TNPO1: variants seen among roughly 807,000 people sequenced by gnomAD.
TNPO1 encodes the protein transportin 1.
TNPO1 carries 8 observed loss-of-function variants against 119.5 expected under a neutral mutation model. The observed-to-expected ratio is 0.07, with a 90% confidence interval of 0.04 to 0.12. TNPO1 has a LOEUF of 0.12. Ranked by LOEUF, TNPO1 falls within the 10% of genes least tolerant of loss-of-function variation. The pLI, the probability that TNPO1 is intolerant of heterozygous loss-of-function variation, is 1.00. For synonymous variants in TNPO1, 362 were observed against 363.0 expected (o/e 1.00, Z 0.03); for missense variants, 576 against 1,089.8 (o/e 0.53, Z 6.64).
In TNPO1 at chr5:72,848,248, G is replaced by A. The variant is rs1014034961; in HGVS notation, c.16-137G>A. 13 of 1,292,172 alleles carry A rather than the reference G, an allele frequency of 1.0e-5. No homozygotes were observed. In the African/African-American group the frequency reaches 2.0e-4, roughly 20 times the overall value. The allele number at this position is 1,292,172 out of a possible 1,614,324, so 80.0% of individuals were successfully genotyped here. On this transcript the variant is annotated intron_variant, in intron 1 of 24. Transcript: ENST00000337273. ...CGTGACTTCCTTCGGGGCACCTCAG[G>A]CAGGTCCGCGGCGTTTGGGGAGCGC... is the stretch of plus-strand genomic sequence containing the variant.
intron 3 of TNPO1, 119 bp downstream of exon 3, chr5:72,851,438 G>T: frequency 3.1e-6 from 2 of 651,316 alleles, no homozygotes; most frequent in South Asian, 1.9e-5. Context: ...TATAGATGTG[G>T]GATAAACAGT....
chr5:72,876,620 A>AAC (rs1747797933), intron 8 of TNPO1, among the ~76,000 whole-genome samples: 1 of 152,196 alleles, frequency 6.6e-6, no homozygotes, highest in Non-Finnish European at 1.5e-5. Context: ...TGAGTTCTTA[A>AAC]TTTTTATGTT....
At chr5:72,845,228 T>C (rs1745080573) in intron 1 of TNPO1, among the ~76,000 whole-genome samples, 1 of 152,130 alleles carries the variant, frequency 6.6e-6, no homozygotes, top group Admixed American at 6.5e-5. Context: ...GCCTTCAACA[T>C]GCAAAAAGAA....
intron 4 of TNPO1, among the ~76,000 whole-genome samples, chr5:72,858,590 C>T (rs546528005): frequency 6.6e-6 from 1 of 152,294 alleles, no homozygotes; most frequent in East Asian, 1.9e-4. Flanking sequence ...GTAATCCCAG[C>T]ACTTTGGGAG....
Position 72,900,743 on chromosome 5 carries a change from A to T in TNPO1, c.2415-231A>T, listed in dbSNP as rs1749746146. The T allele has an allele frequency of 1.9e-5, 6 of 318,944 alleles. No individual in the cohort carries two copies. The South Asian group carries it at 8.1e-4, about 43-fold the overall frequency. The allele number at this position is 318,944 out of a possible 1,614,324, so 19.8% of individuals were successfully genotyped here. A position where few individuals can be genotyped will look rare whatever the true frequency, so the allele number is the denominator to read the frequency against. ...GAGATTCAAATTAGTTATCTACTTT[A>T]TAAATGCAATTTATTAAGAAAATGT... On this transcript the variant is annotated intron_variant, in intron 21 of 24. Coordinates refer to ENST00000337273, the MANE Select transcript of TNPO1 (RefSeq NM_002270.4).
chr5:72,846,367 T>C (rs1219702264), intron 1 of TNPO1, among the ~76,000 whole-genome samples: 1 of 150,644 alleles, frequency 6.6e-6, no homozygotes, highest in African/African-American at 2.4e-5. Context: ...CCCGGAATTA[T>C]GGCCATGTCA....
At chr5:72,857,715 T>G (rs546754865) in intron 4 of TNPO1, among the ~76,000 whole-genome samples, 179 of 152,356 alleles carry the variant, frequency 1.2e-3, no homozygotes, top group African/African-American at 4.1e-3. Flanking sequence ...GTTATGAGAT[T>G]GTTTCTTCCT....
chr5:72,853,659 A>AT (rs33987415), intron 3 of TNPO1, among the ~76,000 whole-genome samples: 49,846 of 148,444 alleles, frequency 0.34, 8,686 homozygotes, highest in African/African-American at 0.41. Context: ...GTGTTTATGC[A>AT]TTTTTTTTTT....
At chr5:72,872,505 T>A (rs1389345416) in intron 6 of TNPO1, 134 bp from the exon 7 acceptor site, 2 of 564,340 alleles carry the variant, frequency 3.5e-6, no homozygotes, top group Non-Finnish European at 6.0e-6. Flanking sequence ...GATACAGAAG[T>A]TTGACGTATT....
chr5:72,859,798 G>C (rs967492779), intron 4 of TNPO1, among the ~76,000 whole-genome samples: 1 of 152,184 alleles, frequency 6.6e-6, no homozygotes. Context: ...ACATTTTTAA[G>C]ATTTTAATAG....
chr5:72,896,610 C>T, intron 19 of TNPO1, 54 bp downstream of exon 19: 1 of 1,438,800 alleles, frequency 7.0e-7, no homozygotes, highest in Non-Finnish European at 9.7e-7. Flanking sequence ...TGGCTCACGC[C>T]TGTAATCCCA....
intron 11 of TNPO1, among the ~76,000 whole-genome samples, chr5:72,885,688 A>G (rs1445836101): frequency 6.8e-6 from 1 of 147,822 alleles, no homozygotes; most frequent in Non-Finnish European, 1.5e-5. Context: ...ATCCTTATTG[A>G]TGGGTAAGGT....
At chr5:72,821,365 G>A (rs527248486) in intron 1 of TNPO1, among the ~76,000 whole-genome samples, 2 of 152,154 alleles carry the variant, frequency 1.3e-5, no homozygotes, top group African/African-American at 4.8e-5. Context: ...AAGGAATTAA[G>A]GAAGAGAAGT....
At chr5:72,872,752 C>G in intron 7 of TNPO1, 32 bp downstream of exon 7, 1 of 1,509,594 alleles carries the variant, frequency 6.6e-7, no homozygotes, top group Non-Finnish European at 9.0e-7. Context: ...CTCCCAACCC[C>G]CCAGCTTTTT....
intron 4 of TNPO1, among the ~76,000 whole-genome samples, chr5:72,858,299 A>G (rs1392887693): frequency 6.6e-6 from 1 of 152,228 alleles, no homozygotes; most frequent in Non-Finnish European, 1.5e-5. Context: ...CATTTAGTTC[A>G]TTATATTTTT....
At chr5:72,906,253 T>C (rs1750136077) in intron 24 of TNPO1, among the ~76,000 whole-genome samples, 2 of 144,724 alleles carry the variant, frequency 1.4e-5, no homozygotes, top group African/African-American at 5.1e-5. Flanking sequence ...GTACCTACCA[T>C]GTGCCCATCA....
chr5:72,816,718 G>A lies in TNPO1; in HGVS notation c.-20G>A. The A allele has an allele frequency of 3.2e-6, 5 of 1,570,518 alleles. No homozygotes were observed. Among genetic ancestry groups the A allele is most frequent in the Non-Finnish European group, 4.3e-6 (5 of 1,160,548 alleles). On this transcript the variant is annotated 5_prime_UTR_variant, in exon 1 of 25. Transcript: ENST00000337273. ...GCAGTGCCGCTTCGGCCGAAGGCCC[G>A]AGCGCCCGAGGCGTCTGGGATGGTG...
chr5:72,855,359 CAA>C (rs1745910910), intron 3 of TNPO1, among the ~76,000 whole-genome samples: 1 of 151,860 alleles, frequency 6.6e-6, no homozygotes, highest in South Asian at 2.1e-4. Flanking sequence ...TATCAGGAAA[CAA>C]TAAAGCTTGA....
chr5:72,879,901 T>C (rs1033611253), intron 9 of TNPO1, among the ~76,000 whole-genome samples: 2 of 152,118 alleles, frequency 1.3e-5, no homozygotes, highest in Admixed American at 6.5e-5. Flanking sequence ...GAAAGCACCA[T>C]TGTAGGCTGG....
Sources: allele counts gnomAD v4.1 joint callset (sites outside exome capture counted in the v4.1 genomes callset), GRCh38; gene constraint gnomAD v4.1.1; transcripts MANE v1.5; gene names NCBI Gene and HGNC (gene_info 2026-07-23, HGNC 2026-07-21).